The following ADGRG7 variants were observed in gnomAD, a reference collection of about 807,000 sequenced individuals.
The protein encoded by ADGRG7 is G-protein coupled receptor 128.
In ADGRG7, 82 loss-of-function variants were observed where a neutral mutation model predicts 88.6. The ratio of observed to expected loss-of-function variants is 0.93; its 90% CI spans 0.77 to 1.11. The LOEUF (loss-of-function observed/expected upper bound fraction) is 1.11, where lower values mean the gene tolerates loss of function less well. ADGRG7 is among the 50% of genes most tolerant of loss of function. ADGRG7 has a pLI of 0.00. For missense variants in ADGRG7, 945 were observed against 953.4 expected, an observed-to-expected ratio of 0.99 and a Z score of 0.12; for synonymous variants, 381 against 345.2, an observed-to-expected ratio of 1.10 and a Z score of -1.15.
At chr3:100,633,440 C>T in intron 4 of ADGRG7, 63 bp downstream of exon 4, 1 of 808,914 alleles carries the variant, frequency 1.2e-6, no homozygotes, top group Non-Finnish European at 1.9e-6. Flanking sequence ...AGTTTCTGTT[C>T]TTCAGATACC....
chr3:100,610,779 T>C (rs1409377039), intron 1 of ADGRG7, among the ~76,000 whole-genome samples: 3 of 152,126 alleles, frequency 2.0e-5, no homozygotes, highest in African/African-American at 7.2e-5. Context: ...AAGCTTCTAA[T>C]GAAACAATAA....
intron 1 of ADGRG7, among the ~76,000 whole-genome samples, chr3:100,626,751 C>T (rs965013672): frequency 6.6e-6 from 1 of 152,098 alleles, no homozygotes; most frequent in African/African-American, 2.4e-5. Flanking sequence ...TGCCACTGCA[C>T]TCCAGCCTAG....
At chr3:100,646,751 C>A in intron 10 of ADGRG7, 27 bp downstream of exon 10, 1 of 1,588,364 alleles carries the variant, frequency 6.3e-7, no homozygotes. Flanking sequence ...CAATCTCTTT[C>A]CAGATGAGAA....
At chr3:100,645,841 A>G in intron 8 of ADGRG7, 104 bp from the exon 9 acceptor site, 1 of 996,126 alleles carries the variant, frequency 1.0e-6, no homozygotes, top group Admixed American at 2.6e-5. Context: ...ACTGTACTTT[A>G]CTCAAATATT....
intron 3 of ADGRG7, among the ~76,000 whole-genome samples, chr3:100,631,911 C>G (rs1707463458): frequency 6.6e-6 from 1 of 152,090 alleles, no homozygotes; most frequent in Non-Finnish European, 1.5e-5. Flanking sequence ...CCATATCAGT[C>G]ATGCTTACTC....
chr3:100,635,647 C>T (rs1257641211), intron 4 of ADGRG7, 30 bp from the exon 5 acceptor site: 1 of 1,605,156 alleles, frequency 6.2e-7, no homozygotes, highest in Non-Finnish European at 8.5e-7. Flanking sequence ...TTGTGTAAAG[C>T]TAGGGTTTTT....
At chr3:100,638,787 G>A (rs189012837) in intron 6 of ADGRG7, among the ~76,000 whole-genome samples, 38 of 152,134 alleles carry the variant, frequency 2.5e-4, no homozygotes, top group African/African-American at 8.9e-4. Context: ...ACTGTTGGTT[G>A]AATATTTGTA....
rs1246660599 is a variant in ADGRG7 at position 100,609,771 on chromosome 3, A to G, written c.-86A>G. On this transcript the variant is annotated 5_prime_UTR_variant, in exon 1 of 16. Coordinates refer to ENST00000273352, the MANE Select transcript of ADGRG7 (RefSeq NM_032787.3). ...GGAGGACTTGTTTTTCTGTTTTAGA[A>G]TAGTTTCCGATTAAACTTTTTAGCT... is the stretch of plus-strand genomic sequence containing the variant. The G allele has an allele frequency of 2.1e-6, 2 of 965,402 alleles. No homozygotes were observed. The highest frequency in any genetic ancestry group is 3.3e-6 in the Non-Finnish European group (2 of 610,520). The allele number at this position is 965,402 out of a possible 1,614,324, so 59.8% of individuals were successfully genotyped here.
At chr3:100,682,820 G>A (rs2094975787) in intron 15 of ADGRG7, among the ~76,000 whole-genome samples, 1 of 152,188 alleles carries the variant, frequency 6.6e-6, no homozygotes, top group Non-Finnish European at 1.5e-5. Context: ...TTCTCAGTTG[G>A]CCGGGTGGGA....
intron 10 of ADGRG7, among the ~76,000 whole-genome samples, chr3:100,647,644 C>A (rs1707777942): frequency 6.6e-6 from 1 of 152,100 alleles, no homozygotes; most frequent in Non-Finnish European, 1.5e-5. Flanking sequence ...TTGTGCTGAC[C>A]TTTGTAAGAA....
chr3:100,622,264 ATT>A lies in ADGRG7; in HGVS notation c.116-7314_116-7313del, dbSNP rs57699713. Among the ~76,000 whole-genome samples the A allele has an allele frequency of 2.9e-3, 386 of 130,858 alleles. 3 individuals are homozygous for A. The highest frequency in any genetic ancestry group is 4.6e-3 in the Non-Finnish European group (288 of 62,310). 85.8% of individuals were successfully genotyped at this position (130,858 alleles called of 152,430 possible). A position where few individuals can be genotyped will look rare whatever the true frequency, so the allele number is the denominator to read the frequency against. ...AAGATGTAAGTCTCTCTCTATATTC[ATT>A]TTTTTTTTTTTTTTTTTTTGCTTAT... is the stretch of plus-strand genomic sequence containing the variant. On this transcript the variant is annotated intron_variant, in intron 1 of 15. Transcript: ENST00000273352.
chr3:100,620,952 T>C (rs1217003548), intron 1 of ADGRG7, among the ~76,000 whole-genome samples: 1 of 152,160 alleles, frequency 6.6e-6, no homozygotes, highest in Non-Finnish European at 1.5e-5. Flanking sequence ...ATTTTGGTAA[T>C]TCTCACAATA....
chr3:100,690,977 G>T (rs1442045450), intron 15 of ADGRG7, among the ~76,000 whole-genome samples: 1 of 152,222 alleles, frequency 6.6e-6, no homozygotes, highest in African/African-American at 2.4e-5. Flanking sequence ...GCCTACAGAG[G>T]CAGGCAGGCC....
Position 100,659,705 on chromosome 3 carries a change from C to T in ADGRG7, c.1841C>T (p.Pro614Leu). The T allele has an allele frequency of 6.2e-7, 1 of 1,613,338 alleles. No homozygotes were observed. The highest frequency in any genetic ancestry group is 8.5e-7 in the Non-Finnish European group (1 of 1,179,790). ...CTCCACAGCTGCTGGCTGGCAATTCCAGAACCCAATGGTGTTATAAAAAGT... is the reference window on the plus strand; with the variant it reads ...CTCCACAGCTGCTGGCTGGCAATTCTAGAACCCAATGGTGTTATAAAAAGT... ...RQEKICWLAIPEPNGVIKSPL... is the reference protein window; with the variant it reads ...RQEKICWLAILEPNGVIKSPL... The change falls in exon 14 of 16, where the codon CCA (proline) becomes CTA (leucine). Residue 614 changes from proline to leucine, a missense_variant. Pro to Leu is a moderately conservative substitution (Grantham distance 98). Transcript: ENST00000273352.
chr3:100,651,670 C>G (rs922038640), intron 11 of ADGRG7, among the ~76,000 whole-genome samples: 1 of 151,560 alleles, frequency 6.6e-6, no homozygotes, highest in Non-Finnish European at 1.5e-5. Context: ...ACAGCAAGAT[C>G]ACATCTCAAA....
intron 14 of ADGRG7, among the ~76,000 whole-genome samples, chr3:100,662,362 C>T (rs1172190400): frequency 1.3e-5 from 2 of 152,186 alleles, no homozygotes; most frequent in African/African-American, 4.8e-5. Context: ...GCAACACGCT[C>T]TTAACAGTAT....
rs1228417393 is a variant in ADGRG7 at position 100,609,798 on chromosome 3, A to G, written c.-59A>G. 12 of 1,311,860 alleles carry G rather than the reference A, an allele frequency of 9.1e-6. No homozygotes were observed. The highest frequency in any genetic ancestry group is 1.3e-5 in the Non-Finnish European group (12 of 909,194). 81.3% of individuals were successfully genotyped at this position (1,311,860 alleles called of 1,614,324 possible). A position where few individuals can be genotyped will look rare whatever the true frequency, so the allele number is the denominator to read the frequency against. ...AGTTTCCGATTAAACTTTTTAGCTC[A>G]AGAAGAAAAGAAGCTAGTTATTTCT... On this transcript the variant is annotated 5_prime_UTR_variant, in exon 1 of 16. Transcript: ENST00000273352.
intron 1 of ADGRG7, among the ~76,000 whole-genome samples, chr3:100,619,312 G>A (rs1259773611): frequency 6.6e-6 from 1 of 152,132 alleles, no homozygotes; most frequent in Non-Finnish European, 1.5e-5. Context: ...TGAATACTGG[G>A]TAAATAATGA....
Position 100,635,091 on chromosome 3 carries a change from G to A in ADGRG7, c.448-586G>A, listed in dbSNP as rs111599339. On this transcript the variant is annotated intron_variant, in intron 4 of 15. Transcript: ENST00000273352. ...CACCAATGACAATATGGATTGGCATGTTTTAGCCTCACAACACAGAGCCCT... is the reference window on the plus strand; with the variant it reads ...CACCAATGACAATATGGATTGGCATATTTTAGCCTCACAACACAGAGCCCT... Among the ~76,000 whole-genome samples, 19 of 152,032 alleles carry A rather than the reference G, an allele frequency of 1.2e-4. 1 individual carries two copies. The highest frequency in any genetic ancestry group is 4.6e-4 in the African/African-American group (19 of 41,448).
Sources: allele counts gnomAD v4.1 joint callset (sites outside exome capture counted in the v4.1 genomes callset), GRCh38; gene constraint gnomAD v4.1.1; transcripts MANE v1.5; gene names NCBI Gene and HGNC (gene_info 2026-07-23, HGNC 2026-07-21).